Variants in MDH2 observed in about 807,000 individuals in gnomAD.
The protein encoded by MDH2 is malate dehydrogenase 2.
Under a neutral mutation model 33.6 loss-of-function variants are expected in MDH2, and 25 were observed. That is an observed-to-expected ratio of 0.74 (90% CI 0.54 to 1.04). MDH2 has a LOEUF of 1.04. Among genes scored for constraint, MDH2 ranks in the 50% least tolerant of loss-of-function variants. The pLI is 0.00. For synonymous variants in MDH2, 193 were observed against 188.7 expected (o/e 1.02, Z -0.19); for missense variants, 432 against 445.0 (o/e 0.97, Z 0.26).
rs149166475 is a variant in MDH2, at chr7:76,048,561, C to G, written c.66+335C>G. The G allele has an allele frequency of 2.8e-4, 372 of 1,312,928 alleles. 2 individuals are homozygous for G. In the African/African-American group the frequency reaches 3.5e-3, roughly 13 times the overall value. The allele number at this position is 1,312,928 out of a possible 1,614,324, so 81.3% of individuals were successfully genotyped here. ...GGCTCTGCATCTGAAAGTAAACTTACGTTTTTTTCTGCAGCGTTCCATTGC... is the reference window on the plus strand; with the variant it reads ...GGCTCTGCATCTGAAAGTAAACTTAGGTTTTTTTCTGCAGCGTTCCATTGC... On this transcript the variant is annotated intron_variant, in intron 1 of 8. Coordinates refer to ENST00000315758, the MANE Select transcript of MDH2 (RefSeq NM_005918.4).
chr7:76,057,316 G>C lies in MDH2; in HGVS notation c.236-94G>C, dbSNP rs551881254. 5.6e-5 allele frequency: 72 copies of C among 1,286,920 alleles called. No individual in the cohort carries two copies. In the East Asian group the frequency reaches 1.2e-3, roughly 22 times the overall value. 79.7% of individuals were successfully genotyped at this position (1,286,920 alleles called of 1,614,324 possible). A position where few individuals can be genotyped will look rare whatever the true frequency, so the allele number is the denominator to read the frequency against. ...ACAGGCAGGGCTTCTAGCCTTTCTCGAGGCCATTAGTTGGCCTTAAGGCCA... is the reference window on the plus strand; with the variant it reads ...ACAGGCAGGGCTTCTAGCCTTTCTCCAGGCCATTAGTTGGCCTTAAGGCCA... On this transcript the variant is annotated intron_variant, in intron 2 of 8. Coordinates refer to ENST00000315758, the MANE Select transcript of MDH2 (RefSeq NM_005918.4).
intron 2 of MDH2, among the ~76,000 whole-genome samples, chr7:76,055,853 ATG>A (rs1484419598): frequency 3.7e-5 from 5 of 135,040 alleles, no homozygotes; most frequent in Non-Finnish European, 7.8e-5. Context: ...TTTTGAGACC[ATG>A]TCTTCCTCTG....
intron 5 of MDH2, among the ~76,000 whole-genome samples, chr7:76,061,389 G>A (rs955393663): frequency 1.3e-5 from 2 of 152,074 alleles, no homozygotes; most frequent in Admixed American, 6.5e-5. Context: ...CCTGGTAGTG[G>A]GACTCTGTTA....
At chr7:76,058,209 G>A in intron 4 of MDH2, 131 bp downstream of exon 4, 1 of 819,534 alleles carries the variant, frequency 1.2e-6, no homozygotes. Flanking sequence ...AGATGAAGGG[G>A]CTGAAATGGA....
intron 5 of MDH2, among the ~76,000 whole-genome samples, chr7:76,060,767 C>A (rs1797924843): frequency 1.3e-5 from 2 of 152,022 alleles, no homozygotes; most frequent in Non-Finnish European, 2.9e-5. Context: ...TGTGGGTTCA[C>A]ACCTTCTTTG....
At chr7:76,049,011 C>G (rs1554584844) in intron 1 of MDH2, 1 of 841,386 alleles carries the variant, frequency 1.2e-6, no homozygotes, top group Non-Finnish European at 1.4e-6. Context: ...CGCATTTTTA[C>G]CAGGTGAATC....
At chr7:76,062,483 C>A (rs1637033) in intron 5 of MDH2, among the ~76,000 whole-genome samples, 4 of 152,226 alleles carry the variant, frequency 2.6e-5, no homozygotes, top group Non-Finnish European at 5.9e-5. Flanking sequence ...TTTTCCCGTG[C>A]GTGAGGCTGA....
chr7:76,063,974 G>A (rs1238221881), intron 6 of MDH2, among the ~76,000 whole-genome samples: 5 of 152,146 alleles, frequency 3.3e-5, no homozygotes, highest in Non-Finnish European at 5.9e-5. Context: ...GGTTGAGGCT[G>A]CAGCGAGCTA....
chr7:76,061,749 C>T (rs543228269), intron 5 of MDH2, among the ~76,000 whole-genome samples: 256 of 152,250 alleles, frequency 1.7e-3, no homozygotes, highest in Admixed American at 4.5e-3. Context: ...CAGGATCCCA[C>T]CTCCCACCTC....
At chr7:76,053,790 G>A (rs1365555740) in intron 1 of MDH2, among the ~76,000 whole-genome samples, 1 of 152,134 alleles carries the variant, frequency 6.6e-6, no homozygotes, top group African/African-American at 2.4e-5. Flanking sequence ...TCTCATTTGT[G>A]AGTTTAGATC....
At chr7:76,055,589 T>C (rs887576) in intron 2 of MDH2, among the ~76,000 whole-genome samples, 3,560 of 151,152 alleles carry the variant, frequency 0.024, 134 homozygotes, top group African/African-American at 0.08. Flanking sequence ...GTCCAAAAAT[T>C]AGCTGGGCGT....
Position 76,064,324 on chromosome 7 carries a change from T to C in MDH2, c.634-15T>C, listed in dbSNP as rs782714895. The C allele has an allele frequency of 1.2e-6, 2 of 1,603,016 alleles. No homozygotes were observed. Among genetic ancestry groups the C allele is most frequent in the East Asian group, 2.2e-5 (1 of 44,454 alleles). On this transcript the variant is annotated splice_polypyrimidine_tract_variant and intron_variant, in intron 6 of 8. Coordinates refer to ENST00000315758, the MANE Select transcript of MDH2 (RefSeq NM_005918.4). ...GGCCGGAAGCCACTCACTGATCCCA[T>C]GGCTTGGCTTGCAGTGCACCCCCAA...
Position 76,058,084 on chromosome 7 carries a change from T to C in MDH2, c.429+6T>C, listed in dbSNP as rs1554586540. 1 of 1,609,988 alleles carries C rather than the reference T, an allele frequency of 6.2e-7. No individual in the cohort carries two copies. The highest frequency in any genetic ancestry group is 2.2e-5 in the East Asian group (1 of 44,822). The stretch of plus-strand genomic sequence containing the variant: ...TCTGCGTCATTGCCAATCCGGTGAG[T>C]GTGGCAGCACCCGGCTCTTGCAGCT... On this transcript the variant is annotated splice_donor_region_variant and intron_variant, in intron 4 of 8. Transcript: ENST00000315758.
chr7:76,063,056 T>G (rs1396778511), intron 5 of MDH2, among the ~76,000 whole-genome samples: 3 of 152,186 alleles, frequency 2.0e-5, no homozygotes, highest in African/African-American at 4.8e-5. Context: ...TTCTAACTCA[T>G]GGGTATCCTG....
At chr7:76,057,012 CAAA>C (rs55681261) in intron 2 of MDH2, among the ~76,000 whole-genome samples, 5 of 143,582 alleles carry the variant, frequency 3.5e-5, no homozygotes, top group Non-Finnish European at 6.1e-5. Context: ...GACTCCCTCT[CAAA>C]AAAAAAAAAA....
Position 76,048,182 on chromosome 7 carries a change from C to T in MDH2, c.22C>T (p.Pro8Ser). 1 of 1,536,730 alleles carries T rather than the reference C, an allele frequency of 6.5e-7. No individual in the cohort carries two copies. The highest frequency in any genetic ancestry group is 8.7e-7 in the Non-Finnish European group (1 of 1,146,760). MLSALARPASAALRRSFS... is the reference protein window; with the variant it reads MLSALARSASAALRRSFS... The stretch of plus-strand genomic sequence containing the variant: ...AGCCATGCTCTCCGCCCTCGCCCGG[C>T]CTGCCAGCGCTGCTCTCCGCCGCAG... Residue 8 changes from proline (P) to serine (S), a missense_variant, in exon 1 of 9, where the codon CCT becomes TCT. Coordinates refer to ENST00000315758, the MANE Select transcript of MDH2 (RefSeq NM_005918.4).
Position 76,063,589 on chromosome 7 carries a change from T to C in MDH2, c.630T>C (p.Ser210=). 1 of 1,613,890 alleles carries C rather than the reference T, an allele frequency of 6.2e-7. No homozygotes were observed. ...GGAAGACCATCATCCCCCTGATCTC[T>C]CAGGTACACGCATATGACCCTGTGA... ...HAGKTIIPLI[S]QCTPKVDFPQ... is the part of the protein sequence containing the mutation. Residue 210 remains serine (S), a synonymous_variant, in exon 6 of 9, where the codon TCT becomes TCC. Transcript: ENST00000315758.
At chr7:76,059,326 A>G (rs1797876905) in intron 4 of MDH2, among the ~76,000 whole-genome samples, 1 of 152,220 alleles carries the variant, frequency 6.6e-6, no homozygotes. Flanking sequence ...TAATTAACAC[A>G]GCAGAAAGTG....
intron 4 of MDH2, among the ~76,000 whole-genome samples, chr7:76,059,172 A>C (rs1797870882): frequency 2.0e-5 from 3 of 152,190 alleles, no homozygotes; most frequent in Non-Finnish European, 4.4e-5. Context: ...TCAAACAACC[A>C]ACCTCAGGTG....
Sources: allele counts gnomAD v4.1 joint callset (sites outside exome capture counted in the v4.1 genomes callset), GRCh38; gene constraint gnomAD v4.1.1; transcripts MANE v1.5; gene names NCBI Gene and HGNC (gene_info 2026-07-23, HGNC 2026-07-21).